TRIM67: variants seen among roughly 807,000 people sequenced by gnomAD.
The protein encoded by TRIM67 is tripartite motif-containing protein 67.
A neutral mutation model predicts 71.0 loss-of-function variants in TRIM67; 39 were observed. The observed-to-expected ratio is 0.55, with a 90% CI of 0.43 to 0.72. The LOEUF (loss-of-function observed/expected upper bound fraction) is 0.72, where lower values mean the gene tolerates loss of function less well. Ranked by LOEUF, TRIM67 falls within the 30% of genes least tolerant of loss-of-function variation. The pLI is 0.00. For synonymous variants in TRIM67, 481 were observed against 473.9 expected, an observed-to-expected ratio of 1.01 and a Z score of -0.19; for missense variants, 973 against 1,079.2, an observed-to-expected ratio of 0.90 and a Z score of 1.38.
chr1:231,184,926 AG>A (rs1270224387), intron 1 of TRIM67: 1 of 1,208,470 alleles, frequency 8.3e-7, no homozygotes, highest in East Asian at 2.6e-5. Context: ...GTTTGAATTC[AG>A]GGCCCAACCC....
chr1:231,215,668 C>T lies in TRIM67; in HGVS notation c.*228C>T. 7.7e-7 allele frequency: 1 copy of T among 1,291,308 alleles called. No homozygotes were observed. The highest frequency in any genetic ancestry group is 9.8e-7 in the Non-Finnish European group (1 of 1,018,718). 80.0% of individuals were successfully genotyped at this position (1,291,308 alleles called of 1,614,324 possible). ...GTGGCAAAGGAAGGTACGTGTGTCA[C>T]CCTTATTCCACCCAGACATTACGAA... On this transcript the variant is annotated 3_prime_UTR_variant, in exon 10 of 10. Coordinates refer to ENST00000366653, the MANE Select transcript of TRIM67 (RefSeq NM_001004342.5).
Position 231,163,204 on chromosome 1 carries a change from G to A in TRIM67, c.235G>A (p.Gly79Ser). The A allele has an allele frequency of 1.3e-6, 2 of 1,483,022 alleles. No homozygotes were observed. Among genetic ancestry groups the A allele is most frequent in the South Asian group, 2.7e-5 (2 of 74,014 alleles). 91.9% of individuals were successfully genotyped at this position (1,483,022 alleles called of 1,614,324 possible). Residue 79 changes from glycine to serine, a missense_variant, in exon 1 of 10, where the codon GGT (glycine) becomes AGT (serine). Gly to Ser is a moderately conservative substitution (Grantham distance 56). Coordinates refer to ENST00000366653, the MANE Select transcript of TRIM67 (RefSeq NM_001004342.5). ...CGCTGCGGCTGGCCCGGCCTGCGGC[G>A]GTGCAGGCGGGAGTGCAGCTGGCGG... ...HDAAAGPACG[G>S]AGGSAAGGLG...
intron 1 of TRIM67, among the ~76,000 whole-genome samples, chr1:231,172,179 C>T (rs1571870465): frequency 6.6e-6 from 1 of 152,184 alleles, no homozygotes; most frequent in East Asian, 1.9e-4. Flanking sequence ...CAACAGAATG[C>T]TATATGTATA....
At chr1:231,183,636 A>T (rs1265409448) in intron 1 of TRIM67, among the ~76,000 whole-genome samples, 1 of 151,992 alleles carries the variant, frequency 6.6e-6, no homozygotes, top group African/African-American at 2.4e-5. Context: ...AAAAAGCAAA[A>T]AATATTGCTT....
Position 231,163,931 on chromosome 1 carries a change from C to G in TRIM67, c.962C>G (p.Pro321Arg), listed in dbSNP as rs906458176. The change falls in exon 1 of 10, where the codon CCG becomes CGG. Residue 321 changes from proline (P) to arginine (R), a missense_variant. Physicochemically the swap from Pro to Arg is moderately radical, Grantham distance 103 (BLOSUM62 -2). This residue lies in a region of TRIM67 where 795 missense variants were observed against 831.3 expected (regional missense o/e 0.96). Coordinates refer to ENST00000366653, the MANE Select transcript of TRIM67 (RefSeq NM_001004342.5). ...ATGTACTGCGTGAGCTGTCGAACCC[C>G]GGTGTGTTATCTGTGCCTGGAGGAG... ...YSMYCVSCRT[P>R]VCYLCLEEGR... The G allele has an allele frequency of 6.3e-7, 1 of 1,585,122 alleles. No homozygotes were observed. The highest frequency in any genetic ancestry group is 1.2e-5 in the South Asian group (1 of 86,194).
chr1:231,169,269 G>A (rs1393810246), intron 1 of TRIM67, among the ~76,000 whole-genome samples: 1 of 151,664 alleles, frequency 6.6e-6, no homozygotes, highest in East Asian at 1.9e-4. Context: ...TGGCCAGGCT[G>A]GTCTTGAACC....
Position 231,209,265 on chromosome 1 carries a change from C to T in TRIM67, c.2123+15C>T, listed in dbSNP as rs765941438. On this transcript the variant is annotated intron_variant, in intron 8 of 9. Coordinates refer to ENST00000366653, the MANE Select transcript of TRIM67 (RefSeq NM_001004342.5). The surrounding 1 kb of genome is among the most constrained non-coding windows in gnomAD (Gnocchi z 4.1). ...CACACCAACAGGTGCGATTGGGCCC[C>T]ATCCTGCCTCCCGTGGACACAGGTT... 1.3e-6 allele frequency: 2 copies of T among 1,523,732 alleles called. No homozygotes were observed. Among genetic ancestry groups the T allele is most frequent in the Admixed American group, 2.0e-5 (1 of 50,620 alleles). The allele number at this position is 1,523,732 out of a possible 1,614,324, so 94.4% of individuals were successfully genotyped here.
chr1:231,192,202 GTCTCTC>G (rs71774946), intron 1 of TRIM67, among the ~76,000 whole-genome samples: 246 of 149,994 alleles, frequency 1.6e-3, no homozygotes, highest in African/African-American at 5.3e-3. Context: ...CACTCTCCCT[GTCTCTC>G]TCTCTCTCTC....
At chr1:231,190,404 A>T (rs1264776207) in intron 1 of TRIM67, among the ~76,000 whole-genome samples, 1 of 152,110 alleles carries the variant, frequency 6.6e-6, no homozygotes, top group Non-Finnish European at 1.5e-5. Flanking sequence ...ACAGGAGCTG[A>T]TCTTCTGAGC....
chr1:231,165,167 T>C (rs989075127), intron 1 of TRIM67, among the ~76,000 whole-genome samples: 2 of 152,142 alleles, frequency 1.3e-5, no homozygotes, highest in Non-Finnish European at 2.9e-5. Flanking sequence ...ATCTAGTGGA[T>C]AGAGGCCAGG....
intron 6 of TRIM67, among the ~76,000 whole-genome samples, chr1:231,205,222 G>T (rs1169859069): frequency 6.6e-6 from 1 of 152,156 alleles, no homozygotes; most frequent in Non-Finnish European, 1.5e-5. Flanking sequence ...TAAGGAAGAG[G>T]GTCTTACAGT....
At chr1:231,181,197 A>G (rs1349537883) in intron 1 of TRIM67, among the ~76,000 whole-genome samples, 1 of 152,136 alleles carries the variant, frequency 6.6e-6, no homozygotes, top group Admixed American at 6.6e-5. Context: ...ATGTCTTGAC[A>G]TCGTGATCCA....
chr1:231,168,802 C>A (rs569410707), intron 1 of TRIM67, among the ~76,000 whole-genome samples: 80 of 152,322 alleles, frequency 5.3e-4, no homozygotes, highest in South Asian at 1.0e-3. Flanking sequence ...TGTGAAAAGA[C>A]AAGGCCTTGG....
At chr1:231,187,713 C>G in intron 1 of TRIM67, 1 of 728,636 alleles carries the variant, frequency 1.4e-6, no homozygotes, top group Non-Finnish European at 2.2e-6. Flanking sequence ...GTGGGAAAGG[C>G]GGGCAGAAGG....
chr1:231,214,708 G>A (rs1458084295), intron 9 of TRIM67, among the ~76,000 whole-genome samples: 1 of 151,198 alleles, frequency 6.6e-6, no homozygotes, highest in Non-Finnish European at 1.5e-5. Flanking sequence ...GAACCCGGGA[G>A]GCGGAGCTTC....
Position 231,163,764 on chromosome 1 carries a change from C to A in TRIM67, c.795C>A (p.Ser265=). The A allele has an allele frequency of 6.7e-7, 1 of 1,493,022 alleles. No homozygotes were observed. The highest frequency in any genetic ancestry group is 8.9e-7 in the Non-Finnish European group (1 of 1,121,140). The allele number at this position is 1,493,022 out of a possible 1,614,324, so 92.5% of individuals were successfully genotyped here. A position where few individuals can be genotyped will look rare whatever the true frequency, so the allele number is the denominator to read the frequency against. ...CGCCGCCGCCCGCCGAGGCAGCCTC[C>A]GGGCCCACTGGCACCGCCCAGGGCG... The part of the protein sequence containing the change: ...PPPPPPAEAA[S]GPTGTAQGAP... The change falls in exon 1 of 10, where the codon TCC becomes TCA. Residue 265 remains serine, a synonymous_variant. Coordinates refer to ENST00000366653, the MANE Select transcript of TRIM67 (RefSeq NM_001004342.5).
Position 231,219,018 on chromosome 1 carries a change from G to A in TRIM67, c.*3578G>A, listed in dbSNP as rs1350048582. The A allele has an allele frequency of 6.1e-6, 6 of 985,358 alleles. No homozygotes were observed. Among genetic ancestry groups the A allele is most frequent in the African/African-American group, 1.7e-5 (1 of 57,246 alleles). The allele number at this position is 985,358 out of a possible 1,614,324, so 61.0% of individuals were successfully genotyped here. A position where few individuals can be genotyped will look rare whatever the true frequency, so the allele number is the denominator to read the frequency against. ...AAAGGCTTGGTCCCCCTGGGAAGGC[G>A]GGTTTCGGCACCGGTGGGCAGGTGG... On this transcript the variant is annotated 3_prime_UTR_variant, in exon 10 of 10. Coordinates refer to ENST00000366653, the MANE Select transcript of TRIM67 (RefSeq NM_001004342.5).
chr1:231,196,310 A>G (rs955728899), intron 1 of TRIM67, among the ~76,000 whole-genome samples: 2 of 152,122 alleles, frequency 1.3e-5, no homozygotes, highest in Non-Finnish European at 2.9e-5. Context: ...TCATGTAAAA[A>G]TCAGGGTCAC....
chr1:231,197,514 G>A, intron 2 of TRIM67, 48 bp downstream of exon 2: 1 of 1,557,560 alleles, frequency 6.4e-7, no homozygotes, highest in Middle Eastern at 1.7e-4. Context: ...TTGAAAGTTT[G>A]CACGTTGTGC....
Sources: gnomAD v4.1 joint callset for allele counts (sites outside exome capture counted in the v4.1 genomes callset) on GRCh38, gnomAD v4.1.1 for gene constraint, gnomAD v4.1.1 regional missense constraint, Gnocchi (gnomAD v3.1) non-coding constraint, MANE v1.5 for transcripts, NCBI Gene and HGNC (gene_info 2026-07-23, HGNC 2026-07-21) for gene names.